Variants in COL23A1 observed in about 807,000 individuals in gnomAD.
COL23A1 encodes the protein collagen alpha-1(XXIII) chain.
Under a neutral mutation model 99.3 loss-of-function variants are expected in COL23A1, and 97 were observed. The observed-to-expected ratio is 0.98, with a 90% confidence interval of 0.83 to 1.16. The LOEUF (loss-of-function observed/expected upper bound fraction) is 1.16. COL23A1 is among the 50% of genes most tolerant of loss of function. The pLI is 0.00. For missense variants in COL23A1, 762 were observed against 757.4 expected (o/e 1.01, Z -0.07); for synonymous variants, 320 against 308.2 (o/e 1.04, Z -0.40).
rs1250506639 is a variant in COL23A1 at position 178,280,576 on chromosome 5, G to A, written c.441+7748C>T. Among the ~76,000 whole-genome samples, 14 of 152,136 alleles carry A rather than the reference G, an allele frequency of 9.2e-5. No individual in the cohort carries two copies. Among genetic ancestry groups the A allele is most frequent in the Non-Finnish European group, 5.9e-5 (4 of 68,028 alleles). On this transcript the variant is annotated intron_variant, in intron 5 of 28. Coordinates refer to ENST00000390654, the MANE Select transcript of COL23A1 (RefSeq NM_173465.4). The surrounding 1 kb of genome is among the most constrained non-coding windows in gnomAD (Gnocchi z 4.9). ...TTCTCTTTAGTCTATTTGCTTCGAA[G>A]ACCTGGGCTTGGCTCGGTGACTTTG...
At chr5:178,349,952 A>G (rs903926223) in intron 2 of COL23A1, among the ~76,000 whole-genome samples, 17 of 152,172 alleles carry the variant, frequency 1.1e-4, no homozygotes, top group African/African-American at 3.4e-4. Flanking sequence ...ATTCCCACCT[A>G]CAATGAGGCA....
At chr5:178,520,646 A>T (rs1759889650) in intron 2 of COL23A1, among the ~76,000 whole-genome samples, 1 of 152,210 alleles carries the variant, frequency 6.6e-6, no homozygotes, top group African/African-American at 2.4e-5. Flanking sequence ...GCCCAGCCAC[A>T]TATTAGCTAT....
chr5:178,411,638 T>C (rs4370295), intron 2 of COL23A1, among the ~76,000 whole-genome samples: 24,022 of 151,768 alleles, frequency 0.16, 2,017 homozygotes, highest in Middle Eastern at 0.29. Context: ...GAGGGGGAAA[T>C]GGGGGATGAA....
At position 178,309,164 on chromosome 5, in the gene COL23A1, T is replaced by G. The variant is rs1171152830; in HGVS notation, c.362-2245A>C. 6.6e-6 allele frequency among the ~76,000 whole-genome samples: 1 copy of G among 152,200 alleles called. No homozygotes were observed. Among genetic ancestry groups the G allele is most frequent in the African/African-American group, 2.4e-5 (1 of 41,450 alleles). ...CTAGGAAGTTCTCCGTCTGGGTAAC[T>G]GAAGCCAGATGAAGACATCTGCCTG... On this transcript the variant is annotated intron_variant, in intron 2 of 28. Transcript: ENST00000390654. The surrounding 1 kb of genome is among the most constrained non-coding windows in gnomAD (Gnocchi z 4.7).
At chr5:178,461,313 G>A (rs1423514265) in intron 2 of COL23A1, among the ~76,000 whole-genome samples, 1 of 152,176 alleles carries the variant, frequency 6.6e-6, no homozygotes, top group Non-Finnish European at 1.5e-5. Flanking sequence ...CACCACAAGG[G>A]GCAGCCGCGG....
intron 2 of COL23A1, among the ~76,000 whole-genome samples, chr5:178,473,519 G>A (rs1467615191): frequency 8.7e-6 from 1 of 114,938 alleles, no homozygotes; most frequent in Non-Finnish European, 1.7e-5. Context: ...TTGCCATGTT[G>A]CCCAGGCTGG....
chr5:178,348,325 C>G (rs1399649532), intron 2 of COL23A1, among the ~76,000 whole-genome samples: 2 of 152,224 alleles, frequency 1.3e-5, no homozygotes, highest in African/African-American at 4.8e-5. Flanking sequence ...AGAACCCCTC[C>G]TCTACCTCAT....
Position 178,358,575 on chromosome 5 carries a change from GTA to G in COL23A1, c.362-51658_362-51657del, listed in dbSNP as rs1361753533. ...ATGTGTACGTGTGTATGTCTAATGT[GTA>G]TGTGTATGTGTGTGTATGTGTATGT... On this transcript the variant is annotated intron_variant, in intron 2 of 28. Coordinates refer to ENST00000390654, the MANE Select transcript of COL23A1 (RefSeq NM_173465.4). 3.4e-3 allele frequency among the ~76,000 whole-genome samples: 494 copies of G among 145,246 alleles called. 7 individuals carry two copies. The highest frequency in any genetic ancestry group is 0.012 in the African/African-American group (462 of 39,872).
intron 17 of COL23A1, 150 bp downstream of exon 17, chr5:178,252,394 C>T (rs1362520956): frequency 5.0e-6 from 3 of 598,590 alleles, no homozygotes; most frequent in South Asian, 2.6e-5. Flanking sequence ...AGGCACTCAG[C>T]CTGGGAGCCC....
chr5:178,355,945 T>C (rs957523205), intron 2 of COL23A1, among the ~76,000 whole-genome samples: 7 of 152,320 alleles, frequency 4.6e-5, no homozygotes, highest in Non-Finnish European at 1.0e-4. Flanking sequence ...AGTGAGCAAA[T>C]ATCTTACCTA....
chr5:178,585,524 A>ACGCTGGGGGTAACACTCCACAGCCCTGGT (rs1763916098), intron 1 of COL23A1, among the ~76,000 whole-genome samples: 1 of 54,208 alleles, frequency 1.8e-5, no homozygotes, highest in African/African-American at 9.6e-5. Flanking sequence ...ACGTCCCTGG[A>ACGCTGGGGGTAACACTCCACAGCCCTGGT]TGACGCTGGA....
chr5:178,379,647 C>T (rs966231064), intron 2 of COL23A1, among the ~76,000 whole-genome samples: 5 of 152,052 alleles, frequency 3.3e-5, no homozygotes, highest in South Asian at 2.1e-4. Flanking sequence ...TTTGGGAGGC[C>T]GAGGTGGGCG....
Position 178,468,563 on chromosome 5 carries a change from C to G in COL23A1, c.361+92119G>C, listed in dbSNP as rs1756561265. Among the ~76,000 whole-genome samples, 1 of 152,044 alleles carries G rather than the reference C, an allele frequency of 6.6e-6. No individual in the cohort carries two copies. Among genetic ancestry groups the G allele is most frequent in the South Asian group, 2.1e-4 (1 of 4,820 alleles). On this transcript the variant is annotated intron_variant, in intron 2 of 28. Transcript: ENST00000390654. This position sits in a 1 kb window ranked among gnomAD's most constrained non-coding sequence, Gnocchi z 4.2. ...CCTCACCCGGCCCCGTCCCTCTGAG[C>G]TGACCTCAGGCTGCAGGCCACACGC...
intron 5 of COL23A1, among the ~76,000 whole-genome samples, chr5:178,271,439 C>G (rs1756281877): frequency 6.6e-6 from 1 of 152,360 alleles, no homozygotes; most frequent in Non-Finnish European, 1.5e-5. Flanking sequence ...TTCCAGGAAG[C>G]CTTCTAGGGT....
Position 178,309,275 on chromosome 5 carries a change from C to T in COL23A1, c.362-2356G>A, listed in dbSNP as rs143962663. ...AGAGGCTGATGGGGAGGGATGCTGGCAGGGTGGGCAGCTGCCCAGGCAGGG... is the reference window on the plus strand; with the variant it reads ...AGAGGCTGATGGGGAGGGATGCTGGTAGGGTGGGCAGCTGCCCAGGCAGGG... On this transcript the variant is annotated intron_variant, in intron 2 of 28. Transcript: ENST00000390654. This position sits in a 1 kb window ranked among gnomAD's most constrained non-coding sequence, Gnocchi z 4.7. Among the ~76,000 whole-genome samples, 383 of 152,282 alleles carry T rather than the reference C, an allele frequency of 2.5e-3. 4 individuals are homozygous for T. Among genetic ancestry groups the T allele is most frequent in the African/African-American group, 8.7e-3 (363 of 41,574 alleles).
Position 178,484,605 on chromosome 5 carries a change from C to T in COL23A1, c.361+76077G>A, listed in dbSNP as rs561488782. Among the ~76,000 whole-genome samples, 14 of 151,884 alleles carry T rather than the reference C, an allele frequency of 9.2e-5. No individual in the cohort carries two copies. The South Asian group carries it at 2.1e-3, about 23-fold the overall frequency. Reference sequence around the variant, plus strand: ...TTAGGAGGCCGAGGTGGGCGGATCACGAGGTCGGGAGATTGAGACCATCCT... The same window carrying T: ...TTAGGAGGCCGAGGTGGGCGGATCATGAGGTCGGGAGATTGAGACCATCCT... On this transcript the variant is annotated intron_variant, in intron 2 of 28. Coordinates refer to ENST00000390654, the MANE Select transcript of COL23A1 (RefSeq NM_173465.4).
chr5:178,319,887 C>CTGCCCTAT (rs1554137675), intron 2 of COL23A1, among the ~76,000 whole-genome samples: 30 of 151,372 alleles, frequency 2.0e-4, no homozygotes, highest in Non-Finnish European at 3.4e-4. Flanking sequence ...GAGGCCTCCC[C>CTGCCCTAT]CGCCCTATCT....
At chr5:178,459,191 A>C (rs1026424093) in intron 2 of COL23A1, among the ~76,000 whole-genome samples, 1 of 152,186 alleles carries the variant, frequency 6.6e-6, no homozygotes, top group Admixed American at 6.5e-5. Context: ...TTGGAAATTA[A>C]ATATTTGTTA....
intron 1 of COL23A1, among the ~76,000 whole-genome samples, chr5:178,577,074 G>A (rs1380549019): frequency 2.0e-5 from 3 of 152,108 alleles, no homozygotes; most frequent in African/African-American, 7.2e-5. Context: ...CCTCCCTGTC[G>A]CCGTCTGCGC....
Sources: allele counts gnomAD v4.1 joint callset (sites outside exome capture counted in the v4.1 genomes callset), GRCh38; gene constraint gnomAD v4.1.1; non-coding constraint Gnocchi (gnomAD v3.1); transcripts MANE v1.5; gene names NCBI Gene and HGNC (gene_info 2026-07-23, HGNC 2026-07-21).